The following NUDT6 variants were observed in gnomAD, a reference collection of about 807,000 sequenced individuals.
The protein encoded by NUDT6 is FAD diphosphatase NUDT6.
Under a neutral mutation model 36.8 loss-of-function variants are expected in NUDT6, and 24 were observed. The ratio of observed to expected loss-of-function variants is 0.65; its 90% CI spans 0.47 to 0.92. The LOEUF (loss-of-function observed/expected upper bound fraction) is 0.92, where lower values mean the gene tolerates loss of function less well. NUDT6 is among the 40% of genes least tolerant of loss of function. The probability of loss-of-function intolerance (pLI) is 0.00; values close to 1 mark genes in which losing one functional copy is unlikely to be tolerated. For missense variants in NUDT6, 388 were observed against 392.8 expected, an observed-to-expected ratio of 0.99 and a Z score of 0.10; for synonymous variants, 163 against 157.0, an observed-to-expected ratio of 1.04 and a Z score of -0.29.
At chr4:122,905,789 C>A (rs1322564263) in intron 3 of NUDT6, among the ~76,000 whole-genome samples, 2 of 152,156 alleles carry the variant, frequency 1.3e-5, no homozygotes, top group Non-Finnish European at 2.9e-5. Context: ...AGACTGCAGG[C>A]TAGTCAGTAA....
upstream of NUDT6, chr4:122,922,683 G>T: frequency 1.1e-6 from 1 of 937,702 alleles, no homozygotes; most frequent in East Asian, 2.6e-5. Flanking sequence ...GAGTTGAGCT[G>T]GGGTTACCAC....
intron 1 of NUDT6, 47 bp downstream of exon 1, chr4:122,922,288 A>T: frequency 6.6e-7 from 1 of 1,519,874 alleles, no homozygotes; most frequent in Non-Finnish European, 8.9e-7. Flanking sequence ...TTATTTCATT[A>T]GAAAAGCTCT....
intron 4 of NUDT6, chr4:122,897,412 C>T (rs995659823): frequency 1.8e-6 from 1 of 567,848 alleles, no homozygotes; most frequent in African/African-American, 1.9e-5. Flanking sequence ...GTGGTATGTT[C>T]CTAATGATAT....
At chr4:122,901,963 CT>C (rs1287300033) in intron 3 of NUDT6, among the ~76,000 whole-genome samples, 1 of 152,190 alleles carries the variant, frequency 6.6e-6, no homozygotes, top group Non-Finnish European at 1.5e-5. Flanking sequence ...CCCTTTGGTT[CT>C]CATATATATG....
intron 3 of NUDT6, among the ~76,000 whole-genome samples, chr4:122,898,796 T>G (rs1231487774): frequency 6.6e-6 from 1 of 152,208 alleles, no homozygotes; most frequent in African/African-American, 2.4e-5. Flanking sequence ...TCTTCTAGAT[T>G]CCATTTGGAA....
chr4:122,898,607 G>A (rs1727437424), intron 3 of NUDT6, among the ~76,000 whole-genome samples: 1 of 152,164 alleles, frequency 6.6e-6, no homozygotes, highest in South Asian at 2.1e-4. Context: ...TCTCAACTAT[G>A]CTAGGTTGGA....
At chr4:122,918,014 G>T (rs146354811) in intron 1 of NUDT6, 166 of 286,660 alleles carry the variant, frequency 5.8e-4, no homozygotes, top group African/African-American at 3.5e-3. Flanking sequence ...CAAATAAAAG[G>T]ATTTAAACCG....
rs1727752771 is a variant in NUDT6 at position 122,912,620 on chromosome 4, GCTC to G, written c.443_445del (p.Gly148del). The G allele has an allele frequency of 1.3e-6, 2 of 1,556,922 alleles. No homozygotes were observed. Among genetic ancestry groups the G allele is most frequent in the African/African-American group, 2.7e-5 (2 of 73,704 alleles). On this transcript the variant is annotated inframe_deletion and splice_region_variant, in exon 3 of 5. Coordinates refer to ENST00000304430, the MANE Select transcript of NUDT6 (RefSeq NM_007083.5). ...TTTTCTAGTACTTTCATCAAATACA[GCTC>G]CTATTAGGGGAAAAAGAAAAGATAA...
intron 3 of NUDT6, among the ~76,000 whole-genome samples, chr4:122,911,936 A>C (rs1727740125): frequency 6.6e-6 from 1 of 152,154 alleles, no homozygotes. Context: ...TCTGGGCCAC[A>C]CTGAACTTTT....
At chr4:122,907,740 C>T (rs1488486122) in intron 3 of NUDT6, among the ~76,000 whole-genome samples, 3 of 152,098 alleles carry the variant, frequency 2.0e-5, no homozygotes, top group Non-Finnish European at 4.4e-5. Flanking sequence ...TGAGCCACTG[C>T]GCCCGGCCCC....
chr4:122,906,596 T>A (rs1423334132), intron 3 of NUDT6, among the ~76,000 whole-genome samples: 1 of 152,176 alleles, frequency 6.6e-6, no homozygotes, highest in Non-Finnish European at 1.5e-5. Context: ...GGATAGGAGA[T>A]GCCCCTATTA....
At chr4:122,909,869 T>C (rs1231961166) in intron 3 of NUDT6, among the ~76,000 whole-genome samples, 1 of 152,242 alleles carries the variant, frequency 6.6e-6, no homozygotes, top group African/African-American at 2.4e-5. Flanking sequence ...AACTCAGTTA[T>C]TCCAAAGAAT....
At chr4:122,922,639 C>G (rs372774259), upstream of NUDT6, 6 of 1,398,602 alleles carry the variant, frequency 4.3e-6, no homozygotes, top group South Asian at 6.4e-5. Flanking sequence ...AGATCGCGGC[C>G]GTACATTTTA....
intron 3 of NUDT6, among the ~76,000 whole-genome samples, chr4:122,902,026 G>C (rs909795798): frequency 2.0e-5 from 3 of 151,956 alleles, no homozygotes; most frequent in African/African-American, 7.2e-5. Flanking sequence ...CAGAAATTTG[G>C]TTATCTTTTA....
intron 4 of NUDT6, chr4:122,894,458 A>G (rs1033187945): frequency 1.3e-5 from 2 of 152,106 alleles, no homozygotes; most frequent in African/African-American, 4.8e-5. Context: ...TGGCGTGTAC[A>G]TGTGGTCTCA....
At chr4:122,922,235 C>T in intron 1 of NUDT6, 100 bp downstream of exon 1, 1 of 995,312 alleles carries the variant, frequency 1.0e-6, no homozygotes, top group East Asian at 2.9e-5. Flanking sequence ...TCCCTCTGGG[C>T]TCGACAGTGG....
At chr4:122,901,065 T>C (rs1474187697) in intron 3 of NUDT6, among the ~76,000 whole-genome samples, 3 of 152,182 alleles carry the variant, frequency 2.0e-5, no homozygotes, top group Non-Finnish European at 4.4e-5. Context: ...TCCTTTTTTT[T>C]CCTAATCTCA....
At chr4:122,897,920 G>A in intron 3 of NUDT6, 1 of 482,858 alleles carries the variant, frequency 2.1e-6, no homozygotes, top group East Asian at 3.6e-5. Flanking sequence ...GTTTTGTTTG[G>A]TTAACGTGAT....
At chr4:122,904,761 C>T (rs2150803687) in intron 3 of NUDT6, among the ~76,000 whole-genome samples, 1 of 152,294 alleles carries the variant, frequency 6.6e-6, no homozygotes, top group East Asian at 1.9e-4. Context: ...GCCTCTTCCT[C>T]ACCTACTTTA....
Sources: allele counts gnomAD v4.1 joint callset (sites outside exome capture counted in the v4.1 genomes callset), GRCh38; gene constraint gnomAD v4.1.1; transcripts MANE v1.5; gene names NCBI Gene and HGNC (gene_info 2026-07-23, HGNC 2026-07-21).